The following DNAAF4 variants were observed in gnomAD, a reference collection of about 807,000 sequenced individuals.
The protein encoded by DNAAF4 is dynein assembly factor 4, axonemal.
DNAAF4 carries 43 observed loss-of-function variants against 51.8 expected under a neutral mutation model. The ratio of observed to expected loss-of-function variants is 0.83; its 90% CI spans 0.65 to 1.07. DNAAF4 has a LOEUF of 1.07. Among genes scored for constraint, DNAAF4 ranks in the 50% least tolerant of loss-of-function variants. The pLI is 0.00. For missense variants in DNAAF4, 581 were observed against 493.0 expected (o/e 1.18, Z -1.69); for synonymous variants, 194 against 165.6 (o/e 1.17, Z -1.32).
chr15:55,450,646 C>T (rs1276627499), intron 5 of DNAAF4, among the ~76,000 whole-genome samples: 1 of 152,202 alleles, frequency 6.6e-6, no homozygotes, highest in Non-Finnish European at 1.5e-5. Flanking sequence ...CTCTAGGCAA[C>T]TCTACATCAA....
intron 3 of DNAAF4, among the ~76,000 whole-genome samples, chr15:55,496,845 G>C (rs1210911648): frequency 6.6e-6 from 1 of 152,010 alleles, no homozygotes; most frequent in African/African-American, 2.4e-5. Context: ...GCACTTGAAA[G>C]CAGCAAATGC....
At chr15:55,501,013 A>C (rs111518876) in intron 1 of DNAAF4, among the ~76,000 whole-genome samples, 1 of 142,548 alleles carries the variant, frequency 7.0e-6, no homozygotes, top group South Asian at 2.1e-4. Context: ...AAAAAAAAAA[A>C]TGGAAACTTA....
At chr15:55,473,254 T>C (rs1373512096) in intron 4 of DNAAF4, among the ~76,000 whole-genome samples, 1 of 139,010 alleles carries the variant, frequency 7.2e-6, no homozygotes, top group Non-Finnish European at 1.5e-5. Context: ...TGTGTGTGTA[T>C]ATATATGTGT....
At chr15:55,473,340 T>C (rs1413246793) in intron 4 of DNAAF4, among the ~76,000 whole-genome samples, 1 of 143,300 alleles carries the variant, frequency 7.0e-6, no homozygotes, top group Non-Finnish European at 1.5e-5. Context: ...TATGTGTGTA[T>C]ATATATGTGT....
chr15:55,428,580 C>T (rs1277554758), downstream of DNAAF4, among the ~76,000 whole-genome samples: 2 of 148,346 alleles, frequency 1.3e-5, no homozygotes, highest in African/African-American at 2.5e-5. Flanking sequence ...CTGCAACCTC[C>T]GCCTCCCGAG....
intron 4 of DNAAF4, among the ~76,000 whole-genome samples, chr15:55,483,854 T>C (rs1217993896): frequency 2.6e-5 from 2 of 77,304 alleles, no homozygotes; most frequent in Non-Finnish European, 7.2e-5. Flanking sequence ...TTTTTTTTTT[T>C]TTTTTTTTTT....
At chr15:55,418,198 A>C (rs746872956) in intron 7 of DNAAF4, 3 of 1,565,138 alleles carry the variant, frequency 1.9e-6, no homozygotes, top group Admixed American at 4.0e-5. Context: ...ATAATGGAGA[A>C]TGATTTTATG....
intron 6 of DNAAF4, among the ~76,000 whole-genome samples, chr15:55,446,022 C>T (rs188908810): frequency 0.028 from 3,817 of 137,138 alleles, 76 homozygotes; most frequent in African/African-American, 0.1. Flanking sequence ...GCGCTCCTCA[C>T]CTCCCAGACG....
intron 7 of DNAAF4, chr15:55,418,866 GGA>G: frequency 5.1e-6 from 1 of 194,256 alleles, no homozygotes; most frequent in Admixed American, 5.9e-5. Context: ...AAGGAACACA[GGA>G]GCTGTAAGGA....
chr15:55,464,942 C>G (rs547054885), intron 5 of DNAAF4, among the ~76,000 whole-genome samples: 34 of 152,050 alleles, frequency 2.2e-4, no homozygotes, highest in Non-Finnish European at 4.0e-4. Context: ...GCAACAAGAG[C>G]GAAATTCCAT....
rs749313340 is a variant in DNAAF4 at position 55,497,899 on chromosome 15, C to G, written c.124-40G>C. ...GAAAACAGAAACTAAGTTAGTTACA[C>G]AAATTAAGCACGCGTATTAAGAAAC... On this transcript the variant is annotated intron_variant, in intron 2 of 9. Coordinates refer to ENST00000321149, the MANE Select transcript of DNAAF4 (RefSeq NM_130810.4). The G allele has an allele frequency of 3.3e-5, 51 of 1,564,534 alleles. 2 individuals carry two copies. The South Asian group carries it at 6.0e-4, about 18-fold the overall frequency.
At chr15:55,446,467 G>A (rs7181445) in intron 6 of DNAAF4, among the ~76,000 whole-genome samples, 5,605 of 138,464 alleles carry the variant, frequency 0.04, 115 homozygotes, top group African/African-American at 0.064. Context: ...GGTGGCGGTC[G>A]GGCAGAGGTG....
intron 7 of DNAAF4, among the ~76,000 whole-genome samples, chr15:55,436,781 A>C (rs1165629419): frequency 6.6e-6 from 1 of 152,084 alleles, no homozygotes; most frequent in African/African-American, 2.4e-5. Flanking sequence ...GGCCTCTCAA[A>C]GTGCTGGGAT....
At chr15:55,480,794 A>G (rs769738287) in intron 4 of DNAAF4, among the ~76,000 whole-genome samples, 6 of 152,174 alleles carry the variant, frequency 3.9e-5, no homozygotes, top group Non-Finnish European at 8.8e-5. Context: ...TTACAAAATC[A>G]GGTAGACTCT....
chr15:55,502,072 C>A (rs916955163), intron 1 of DNAAF4, among the ~76,000 whole-genome samples: 1 of 151,814 alleles, frequency 6.6e-6, no homozygotes, highest in African/African-American at 2.4e-5. Context: ...AAGTGGTGCT[C>A]ACCAAAAGGC....
intron 7 of DNAAF4, among the ~76,000 whole-genome samples, chr15:55,421,903 AT>A (rs1383010661): frequency 1.1e-4 from 1 of 8,908 alleles, no homozygotes; most frequent in African/African-American, 9.3e-4. Flanking sequence ...AAAATGTATA[AT>A]AATAATAATA....
intron 5 of DNAAF4, among the ~76,000 whole-genome samples, chr15:55,454,262 C>G (rs187269181): frequency 1.1e-4 from 16 of 151,664 alleles, no homozygotes; most frequent in African/African-American, 3.6e-4. Context: ...GATCGTGCCA[C>G]TGCACTCCAG....
At chr15:55,465,670 G>A (rs1051963617) in intron 5 of DNAAF4, among the ~76,000 whole-genome samples, 1 of 151,130 alleles carries the variant, frequency 6.6e-6, no homozygotes, top group Non-Finnish European at 1.5e-5. Context: ...AGGTTCAAGC[G>A]ATTCTCCTGC....
chr15:55,493,929 C>G (rs1046404814), intron 3 of DNAAF4, among the ~76,000 whole-genome samples: 1 of 150,930 alleles, frequency 6.6e-6, no homozygotes, highest in Admixed American at 6.6e-5. Context: ...GTCTTGAATT[C>G]CTGGGCTCAA....
Sources: gnomAD v4.1 joint callset for allele counts (sites outside exome capture counted in the v4.1 genomes callset) on GRCh38, gnomAD v4.1.1 for gene constraint, MANE v1.5 for transcripts, NCBI Gene and HGNC (gene_info 2026-07-23, HGNC 2026-07-21) for gene names.